SYTL3: variants seen among roughly 807,000 people sequenced by gnomAD.
SYTL3 encodes the protein synaptotagmin-like protein 3.
SYTL3 carries 88 observed loss-of-function variants against 82.1 expected under a neutral mutation model. The observed-to-expected ratio is 1.07, with a 90% CI of 0.90 to 1.28. SYTL3 has a LOEUF of 1.28. Among genes scored for constraint, SYTL3 ranks in the 50% most tolerant of loss-of-function variants. SYTL3 has a pLI of 0.00. For synonymous variants in SYTL3, 311 were observed against 289.4 expected, an observed-to-expected ratio of 1.07 and a Z score of -0.76; for missense variants, 831 against 757.6, an observed-to-expected ratio of 1.10 and a Z score of -1.14.
chr6:158,689,562 A>G lies in SYTL3; in HGVS notation c.394+6573A>G, dbSNP rs192095515. Reference sequence around the variant, plus strand: ...GTAGGCAAATCTCCTTTTCCCGTATAATTTCTTTTGCTTTTATGCTTCGAG... The same window carrying G: ...GTAGGCAAATCTCCTTTTCCCGTATGATTTCTTTTGCTTTTATGCTTCGAG... On this transcript the variant is annotated intron_variant, in intron 6 of 17. Coordinates refer to ENST00000611299, the MANE Select transcript of SYTL3 (RefSeq NM_001242394.2). Among the ~76,000 whole-genome samples, 30 of 152,134 alleles carry G rather than the reference A, an allele frequency of 2.0e-4. No homozygotes were observed. The East Asian group carries it at 4.2e-3, about 22-fold the overall frequency.
At chr6:158,671,738 A>AC in intron 5 of SYTL3, among the ~76,000 whole-genome samples, 1 of 110,302 alleles carries the variant, frequency 9.1e-6, no homozygotes, top group Non-Finnish European at 1.7e-5. Context: ...TCAGTCTAAA[A>AC]AAAAAAAAAA....
chr6:158,701,172 G>GGACTGTCTGGGGGGAGGAGCCGTGGGAA (rs1306786561), intron 6 of SYTL3, among the ~76,000 whole-genome samples: 14 of 150,162 alleles, frequency 9.3e-5, no homozygotes, highest in South Asian at 2.1e-4. Context: ...TGTAGATGAA[G>GGACTGTCTGGGGGGAGGAGCCGTGGGAA]GAGGTGAGCT....
At chr6:158,741,250 A>G (rs976898138) in intron 11 of SYTL3, among the ~76,000 whole-genome samples, 6 of 152,058 alleles carry the variant, frequency 3.9e-5, no homozygotes, top group African/African-American at 1.4e-4. Flanking sequence ...TTGTGTTTTT[A>G]GTAGAGACAG....
Position 158,665,605 on chromosome 6 carries a change from C to T in SYTL3, c.321C>T (p.Phe107=), listed in dbSNP as rs777437811. ...ATGCCTGGAAGTGCACGGTGTGCTT[C>T]GAGGACAGGTAAGCATGGCCGGTGG... ...GTHAWKCTVC[F]EDRNVKIKTG... is the part of the protein sequence containing the mutation. The change falls in exon 5 of 18, where the codon TTC becomes TTT. Residue 107 remains phenylalanine, a synonymous_variant. Coordinates refer to ENST00000611299, the MANE Select transcript of SYTL3 (RefSeq NM_001242394.2). The T allele has an allele frequency of 1.0e-5, 16 of 1,559,068 alleles. No homozygotes were observed. The highest frequency in any genetic ancestry group is 1.9e-4 in the Middle Eastern group (1 of 5,262).
At chr6:158,655,777 C>G (rs1788601260) in intron 2 of SYTL3, among the ~76,000 whole-genome samples, 1 of 152,180 alleles carries the variant, frequency 6.6e-6, no homozygotes, top group Non-Finnish European at 1.5e-5. Context: ...TAGATGAGGA[C>G]ATGAAGCCCC....
chr6:158,657,511 C>G (rs549545422), intron 2 of SYTL3, among the ~76,000 whole-genome samples: 2 of 134,856 alleles, frequency 1.5e-5, no homozygotes, highest in African/African-American at 2.8e-5. Flanking sequence ...TATGAAAAAA[C>G]AAAACAAAAA....
In SYTL3 at chr6:158,665,554, G is replaced by A. The variant is rs768925371; in HGVS notation, c.270G>A (p.Gln90=). The A allele has an allele frequency of 1.6e-5, 25 of 1,583,758 alleles. No individual in the cohort carries two copies. In the South Asian group the frequency reaches 2.8e-4, roughly 18 times the overall value. ...CRGCSHRVCA[Q]CRVFLRGTHA... ...GCTGCAGCCACCGCGTGTGTGCCCA[G>A]TGCCGAGTGTTCCTGAGGGGGACCC... Residue 90 remains glutamine, a synonymous_variant, in exon 5 of 18, where the codon CAG becomes CAA. Transcript: ENST00000611299.
chr6:158,691,615 A>G (rs148402073), intron 6 of SYTL3, among the ~76,000 whole-genome samples: 1,757 of 152,192 alleles, frequency 0.012, 31 homozygotes, highest in African/African-American at 0.038. Flanking sequence ...TTGATGTACA[A>G]GCTTAAAAGC....
At chr6:158,763,548 T>C (rs1233088414) in intron 17 of SYTL3, 39 bp downstream of exon 17, 1 of 1,563,394 alleles carries the variant, frequency 6.4e-7, no homozygotes, top group Admixed American at 1.7e-5. Flanking sequence ...TTATACTTTG[T>C]GATTATCCTA....
intron 10 of SYTL3, among the ~76,000 whole-genome samples, chr6:158,725,055 C>T (rs935391572): frequency 3.3e-5 from 5 of 152,146 alleles, no homozygotes; most frequent in Admixed American, 3.3e-4. Context: ...AAAGCATCAA[C>T]TGTTAGCAAA....
chr6:158,764,630 G>A lies in SYTL3; in HGVS notation c.*26G>A, dbSNP rs747741878. On this transcript the variant is annotated 3_prime_UTR_variant, in exon 18 of 18. Transcript: ENST00000611299. The stretch of plus-strand genomic sequence containing the variant: ...CATGAAGGCCTCAAGGTTCCAGGTT[G>A]CAGCAGGCGTGAGGCACTGTGCGTC... 5 of 1,562,006 alleles carry A rather than the reference G, an allele frequency of 3.2e-6. No homozygotes were observed. The Admixed American group carries it at 8.3e-5, about 26-fold the overall frequency.
intron 6 of SYTL3, among the ~76,000 whole-genome samples, chr6:158,687,112 C>T (rs1045956202): frequency 1.1e-4 from 16 of 152,196 alleles, no homozygotes; most frequent in African/African-American, 2.2e-4. Flanking sequence ...CCTCTTTCCA[C>T]GCACTGGTTA....
chr6:158,707,088 T>C, intron 6 of SYTL3, 142 bp from the exon 7 acceptor site: 1 of 847,452 alleles, frequency 1.2e-6, no homozygotes, highest in Non-Finnish European at 1.8e-6. Context: ...TTGGAACATT[T>C]CTATCACCTC....
chr6:158,703,022 CGG>C (rs1562396223), intron 6 of SYTL3, among the ~76,000 whole-genome samples: 1 of 151,674 alleles, frequency 6.6e-6, no homozygotes. Context: ...GGTGTGGTGG[CGG>C]GCGCCTGTAG....
At chr6:158,673,370 C>CT (rs1241854646) in intron 5 of SYTL3, among the ~76,000 whole-genome samples, 3 of 151,778 alleles carry the variant, frequency 2.0e-5, no homozygotes, top group Admixed American at 2.0e-4. Context: ...CTCAGTCATG[C>CT]TTTCCTCAGT....
chr6:158,659,941 T>G (rs1396074827), intron 2 of SYTL3, among the ~76,000 whole-genome samples: 1 of 152,172 alleles, frequency 6.6e-6, no homozygotes, highest in Non-Finnish European at 1.5e-5. Context: ...AGATGTAGAA[T>G]AGGGTATAAA....
intron 13 of SYTL3, among the ~76,000 whole-genome samples, chr6:158,753,759 A>G (rs923288815): frequency 6.6e-6 from 1 of 151,696 alleles, no homozygotes; most frequent in Non-Finnish European, 1.5e-5. Context: ...TAGTTATATA[A>G]TTGGAGTTAA....
At position 158,745,599 on chromosome 6, in the gene SYTL3, A is replaced by G; in HGVS notation, c.975A>G (p.Ile325Met). 1 of 1,613,896 alleles carries G rather than the reference A, an allele frequency of 6.2e-7. No homozygotes were observed. The highest frequency in any genetic ancestry group is 1.7e-4 in the Middle Eastern group (1 of 6,058). ...HYCFKTHSLE[I>M]CIKACKNLAY... ...GCTTCAAAACCCATTCTTTAGAAAT[A>G]TGCATCAAGGCCTGTAAGAACCTTG... Residue 325 changes from isoleucine (I) to methionine (M), a missense_variant, in exon 12 of 18, where the codon ATA (isoleucine) becomes ATG (methionine). By Grantham distance (10) the Ile-to-Met change is conservative (BLOSUM62 1). Transcript: ENST00000611299.
chr6:158,656,541 C>T (rs1246317691), intron 2 of SYTL3, among the ~76,000 whole-genome samples: 2 of 152,108 alleles, frequency 1.3e-5, no homozygotes, highest in African/African-American at 4.8e-5. Context: ...CTGGCTGACA[C>T]GGTGAAACCC....
Sources: allele counts gnomAD v4.1 joint callset (sites outside exome capture counted in the v4.1 genomes callset), GRCh38; gene constraint gnomAD v4.1.1; transcripts MANE v1.5; gene names NCBI Gene and HGNC (gene_info 2026-07-23, HGNC 2026-07-21).